The following PSTPIP2 variants were observed in gnomAD, a reference collection of about 807,000 sequenced individuals.
PSTPIP2 encodes proline-serine-threonine phosphatase-interacting protein 2.
PSTPIP2 carries 33 observed loss-of-function variants against 63.3 expected under a neutral mutation model. The observed-to-expected ratio is 0.52, with a 90% CI of 0.40 to 0.70. The LOEUF (loss-of-function observed/expected upper bound fraction) is 0.70. Among genes scored for constraint, PSTPIP2 ranks in the 30% least tolerant of loss-of-function variants. The probability of loss-of-function intolerance (pLI) is 0.00; values close to 1 mark genes in which losing one functional copy is unlikely to be tolerated. For synonymous variants in PSTPIP2, 125 were observed against 132.7 expected (o/e 0.94, Z 0.40); for missense variants, 312 against 400.7 (o/e 0.78, Z 1.89).
chr18:46,007,071 C>T (rs1227057706), intron 5 of PSTPIP2, among the ~76,000 whole-genome samples: 6 of 152,064 alleles, frequency 3.9e-5, no homozygotes, highest in Non-Finnish European at 7.4e-5. Flanking sequence ...CGAAAAGATG[C>T]GAAAATTCAA....
At chr18:46,043,781 T>C (rs1001017173) in intron 1 of PSTPIP2, among the ~76,000 whole-genome samples, 1 of 152,116 alleles carries the variant, frequency 6.6e-6, no homozygotes, top group Non-Finnish European at 1.5e-5. Context: ...TTACTAAAAC[T>C]AGTCAGTTTA....
At chr18:46,047,035 G>T (rs1291695815) in intron 1 of PSTPIP2, among the ~76,000 whole-genome samples, 2 of 152,128 alleles carry the variant, frequency 1.3e-5, no homozygotes, top group South Asian at 2.1e-4. Context: ...TTCCTTATTC[G>T]CTTTCCTTGT....
At chr18:46,071,825 G>T in intron 1 of PSTPIP2, among the ~76,000 whole-genome samples, 1 of 152,216 alleles carries the variant, frequency 6.6e-6, no homozygotes, top group East Asian at 1.9e-4. Flanking sequence ...TGACTCTAAG[G>T]TGTCTCGGCT....
At chr18:46,018,553 G>C (rs1325732898) in intron 3 of PSTPIP2, among the ~76,000 whole-genome samples, 1 of 152,108 alleles carries the variant, frequency 6.6e-6, no homozygotes, top group East Asian at 1.9e-4. Context: ...ATTTTTAGTA[G>C]AGACAGGGTT....
At chr18:45,989,607 G>C (rs1390086088) in intron 13 of PSTPIP2, 1 of 152,428 alleles carries the variant, frequency 6.6e-6, no homozygotes, top group African/African-American at 2.4e-5. Flanking sequence ...AATATATGTT[G>C]AACACCTACT....
At chr18:46,013,225 G>A (rs2144084693) in intron 4 of PSTPIP2, among the ~76,000 whole-genome samples, 1 of 152,258 alleles carries the variant, frequency 6.6e-6, no homozygotes, top group East Asian at 1.9e-4. Flanking sequence ...GTGCATATAA[G>A]GAACGTGAAA....
At position 46,049,007 on chromosome 18, in the gene PSTPIP2, CAT is replaced by C. The variant is rs1491168701; in HGVS notation, c.34-8962_34-8961del. Among the ~76,000 whole-genome samples, 96 of 93,408 alleles carry C rather than the reference CAT, an allele frequency of 1.0e-3. No homozygotes were observed. The South Asian group carries it at 0.025, about 24-fold the overall frequency. 61.3% of individuals were successfully genotyped at this position (93,408 alleles called of 152,430 possible). A position where few individuals can be genotyped will look rare whatever the true frequency, so the allele number is the denominator to read the frequency against. On this transcript the variant is annotated intron_variant, in intron 1 of 14. Coordinates refer to ENST00000409746, the MANE Select transcript of PSTPIP2 (RefSeq NM_024430.4). ...ACTTTCAAATGGTTCAGAAAAAAAG[CAT>C]GTGTGTGTGTGTGTGTGTGTGTGTG... is the stretch of plus-strand genomic sequence containing the variant.
intron 1 of PSTPIP2, among the ~76,000 whole-genome samples, chr18:46,060,639 A>G (rs1043170699): frequency 1.3e-5 from 2 of 152,236 alleles, no homozygotes; most frequent in Non-Finnish European, 2.9e-5. Flanking sequence ...CTCAGAATCA[A>G]TCACAATTCC....
chr18:46,035,307 C>A (rs1434103354), intron 2 of PSTPIP2, among the ~76,000 whole-genome samples: 1 of 151,720 alleles, frequency 6.6e-6, no homozygotes, highest in African/African-American at 2.4e-5. Context: ...GTAATCCCAG[C>A]TACTCGGGAG....
intron 5 of PSTPIP2, among the ~76,000 whole-genome samples, chr18:46,007,941 T>A (rs1377743487): frequency 6.6e-6 from 1 of 152,132 alleles, no homozygotes; most frequent in Non-Finnish European, 1.5e-5. Context: ...GGCAGAGACA[T>A]CAGGTCCAGC....
At chr18:46,028,619 G>T (rs1907679150) in intron 2 of PSTPIP2, 1 of 800,968 alleles carries the variant, frequency 1.2e-6, no homozygotes, top group East Asian at 3.1e-5. Flanking sequence ...CACCTCAAAA[G>T]AAGCCAATTT....
chr18:46,019,368 T>G (rs1295340515), intron 3 of PSTPIP2, among the ~76,000 whole-genome samples: 1 of 152,212 alleles, frequency 6.6e-6, no homozygotes, highest in African/African-American at 2.4e-5. Flanking sequence ...AGGTTCTTAT[T>G]TCTCTCTGCC....
chr18:46,062,039 TG>T (rs1314885194), intron 1 of PSTPIP2, among the ~76,000 whole-genome samples: 1 of 152,278 alleles, frequency 6.6e-6, no homozygotes, highest in East Asian at 1.9e-4. Context: ...GGACACACCA[TG>T]GAGACTGCTT....
At chr18:46,009,160 CG>C (rs2051765677) in intron 5 of PSTPIP2, among the ~76,000 whole-genome samples, 1 of 151,988 alleles carries the variant, frequency 6.6e-6, no homozygotes, top group Non-Finnish European at 1.5e-5. Flanking sequence ...ACATTAGCTG[CG>C]AGGGACCATA....
chr18:45,993,939 G>A (rs2051564809), intron 9 of PSTPIP2: 3 of 479,052 alleles, frequency 6.3e-6, no homozygotes, highest in Non-Finnish European at 1.1e-5. Flanking sequence ...AGGGTAAAAA[G>A]TAATGATGAT....
At chr18:46,040,462 C>T (rs1238076275) in intron 1 of PSTPIP2, among the ~76,000 whole-genome samples, 2 of 152,272 alleles carry the variant, frequency 1.3e-5, no homozygotes, top group African/African-American at 2.4e-5. Flanking sequence ...TGTTGACCTT[C>T]GACAGACTGG....
chr18:45,997,916 G>A (rs1235785707), intron 8 of PSTPIP2, 88 bp from the exon 9 acceptor site: 4 of 1,147,782 alleles, frequency 3.5e-6, no homozygotes, highest in Non-Finnish European at 3.9e-6. Flanking sequence ...GATGGCAAAA[G>A]AAACTCATCC....
chr18:46,027,490 GAC>G (rs779249209), intron 2 of PSTPIP2, among the ~76,000 whole-genome samples: 13 of 152,034 alleles, frequency 8.6e-5, no homozygotes, highest in Non-Finnish European at 1.5e-4. Context: ...AAGGGTTTGA[GAC>G]CAGCCTAGGC....
At chr18:45,993,458 G>T in intron 10 of PSTPIP2, 147 bp downstream of exon 10, 2 of 663,568 alleles carry the variant, frequency 3.0e-6, no homozygotes, top group Non-Finnish European at 5.3e-6. Flanking sequence ...CATGTTATCT[G>T]CATCCTTCTG....
Sources: allele counts gnomAD v4.1 joint callset (sites outside exome capture counted in the v4.1 genomes callset), GRCh38; gene constraint gnomAD v4.1.1; transcripts MANE v1.5; gene names NCBI Gene and HGNC (gene_info 2026-07-23, HGNC 2026-07-21).